The following FAM168B variants were observed in gnomAD, a reference collection of about 807,000 sequenced individuals.
FAM168B encodes family with sequence similarity 168 member B, also known as myelin-associated neurite-outgrowth inhibitor.
A neutral mutation model predicts 21.8 loss-of-function variants in FAM168B; 19 were observed. That is an observed-to-expected ratio of 0.87 (90% confidence interval 0.61 to 1.28). The LOEUF (loss-of-function observed/expected upper bound fraction) is 1.28. Among genes scored for constraint, FAM168B ranks in the 50% most tolerant of loss-of-function variants. FAM168B has a pLI of 0.00. For missense variants in FAM168B, 233 were observed against 263.1 expected (o/e 0.89, Z 0.79); for synonymous variants, 126 against 104.8 (o/e 1.20, Z -1.24).
chr2:131,050,007 A>G lies in FAM168B; in HGVS notation c.*2458T>C. ...CGTCCTAAAAATTTCAAAGTCAGAA[A>G]GATTTCTGCACGGATGTGCAATGCA... On this transcript the variant is annotated 3_prime_UTR_variant, in exon 7 of 7. Coordinates refer to ENST00000389915, the MANE Select transcript of FAM168B (RefSeq NM_001009993.4). 6.1e-6 allele frequency: 6 copies of G among 985,488 alleles called. No homozygotes were observed. The highest frequency in any genetic ancestry group is 7.2e-6 in the Non-Finnish European group (6 of 829,940). 61.0% of individuals were successfully genotyped at this position (985,488 alleles called of 1,614,324 possible).
intron 3 of FAM168B, among the ~76,000 whole-genome samples, chr2:131,060,198 G>A (rs148936822): frequency 0.014 from 2,186 of 152,238 alleles, 55 homozygotes; most frequent in African/African-American, 0.049. Context: ...GCTAATTTTT[G>A]TATTTTTAGT....
chr2:131,065,121 A>G (rs1304156270), intron 3 of FAM168B, among the ~76,000 whole-genome samples: 1 of 152,232 alleles, frequency 6.6e-6, no homozygotes, highest in East Asian at 1.9e-4. Context: ...TCAGTAAAGC[A>G]GTGCCACTTT....
In FAM168B at chr2:131,049,712, C is replaced by T; in HGVS notation, c.*2753G>A. 1 of 985,856 alleles carries T rather than the reference C, an allele frequency of 1.0e-6. No individual in the cohort carries two copies. 61.1% of individuals were successfully genotyped at this position (985,856 alleles called of 1,614,324 possible). A position where few individuals can be genotyped will look rare whatever the true frequency, so the allele number is the denominator to read the frequency against. On this transcript the variant is annotated 3_prime_UTR_variant, in exon 7 of 7. Transcript: ENST00000389915. The stretch of plus-strand genomic sequence containing the variant: ...TAGGTCCTTTGCTTACCTGCTGTCT[C>T]AACTTCTAAAAGAATAGTAATTCAG...
rs1411551966 is a variant in FAM168B, at chr2:131,093,291, G to A, written c.-89C>T. The A allele has an allele frequency of 1.3e-5, 2 of 150,224 alleles. No homozygotes were observed. Among genetic ancestry groups the A allele is most frequent in the Admixed American group, 1.3e-4 (2 of 15,122 alleles). The allele number at this position is 150,224 out of a possible 1,614,324, so 9.3% of individuals were successfully genotyped here. A position where few individuals can be genotyped will look rare whatever the true frequency, so the allele number is the denominator to read the frequency against. On this transcript the variant is annotated 5_prime_UTR_variant, in exon 1 of 7. Coordinates refer to ENST00000389915, the MANE Select transcript of FAM168B (RefSeq NM_001009993.4). The stretch of plus-strand genomic sequence containing the variant: ...CGGGCTTGGCCGTGGGGCGAAACAA[G>A]GGGGGCGTGCCGAGGAGACCTGCTA...
chr2:131,055,498 T>G, intron 4 of FAM168B, 49 bp from the exon 5 acceptor site: 1 of 1,600,750 alleles, frequency 6.2e-7, no homozygotes, highest in African/African-American at 1.4e-5. Context: ...GGCCAAAGGA[T>G]GAACGCCCAG....
chr2:131,090,734 A>T (rs1693975728), intron 1 of FAM168B, among the ~76,000 whole-genome samples: 1 of 152,166 alleles, frequency 6.6e-6, no homozygotes, highest in Admixed American at 6.5e-5. Flanking sequence ...TAATATATAC[A>T]AATTTTTTGT....
At chr2:131,089,667 G>A (rs1359769175) in intron 1 of FAM168B, among the ~76,000 whole-genome samples, 9 of 149,596 alleles carry the variant, frequency 6.0e-5, no homozygotes, top group African/African-American at 1.5e-4. Flanking sequence ...GCAATGAGCC[G>A]AGATGGCGCC....
chr2:131,064,590 G>A (rs1178485101), intron 3 of FAM168B, among the ~76,000 whole-genome samples: 8 of 152,180 alleles, frequency 5.3e-5, no homozygotes. Context: ...AAGTGTGCGT[G>A]CAGAATAAAA....
intron 1 of FAM168B, among the ~76,000 whole-genome samples, chr2:131,090,014 A>AAAGCGAGAC (rs1167292721): frequency 2.7e-5 from 4 of 150,050 alleles, no homozygotes; most frequent in African/African-American, 7.4e-5. Context: ...CCTGGGCGAC[A>AAAGCGAGAC]TGGACGCTCC....
At chr2:131,057,770 T>C (rs1006089929) in intron 3 of FAM168B, among the ~76,000 whole-genome samples, 2 of 152,204 alleles carry the variant, frequency 1.3e-5, no homozygotes, top group Admixed American at 1.3e-4. Flanking sequence ...ATAATTAAAG[T>C]TAATTTTTAA....
intron 3 of FAM168B, among the ~76,000 whole-genome samples, chr2:131,062,115 CT>C (rs1319213504): frequency 5.3e-5 from 8 of 152,188 alleles, no homozygotes; most frequent in African/African-American, 1.9e-4. Flanking sequence ...AGTCCTTGAC[CT>C]TTTTATCACT....
At chr2:131,065,420 C>G (rs77839414) in intron 3 of FAM168B, among the ~76,000 whole-genome samples, 3 of 152,174 alleles carry the variant, frequency 2.0e-5, no homozygotes, top group African/African-American at 4.8e-5. Flanking sequence ...TTCTCTCCCC[C>G]TCGGCTGCCA....
At chr2:131,084,127 C>T (rs184496873) in intron 1 of FAM168B, among the ~76,000 whole-genome samples, 17 of 151,922 alleles carry the variant, frequency 1.1e-4, no homozygotes, top group African/African-American at 3.9e-4. Flanking sequence ...GGTCTCATCT[C>T]TTGACCTCGT....
chr2:131,086,680 G>GGTCAC (rs901543350), intron 1 of FAM168B, among the ~76,000 whole-genome samples: 1 of 152,172 alleles, frequency 6.6e-6, no homozygotes, highest in African/African-American at 2.4e-5. Context: ...GTCCTATGTA[G>GGTCAC]GTGACAGCCA....
intron 2 of FAM168B, among the ~76,000 whole-genome samples, chr2:131,081,067 C>T (rs769240464): frequency 2.6e-5 from 4 of 152,160 alleles, no homozygotes; most frequent in Non-Finnish European, 4.4e-5. Context: ...CCTTATGTTG[C>T]ATTCTGGTTC....
At chr2:131,076,838 CA>C (rs1165744525) in intron 2 of FAM168B, among the ~76,000 whole-genome samples, 1 of 151,962 alleles carries the variant, frequency 6.6e-6, no homozygotes, top group Non-Finnish European at 1.5e-5. Flanking sequence ...GCCCCACCCC[CA>C]CCACTCAAAT....
At chr2:131,068,713 T>C (rs1200771032) in intron 3 of FAM168B, among the ~76,000 whole-genome samples, 4 of 152,042 alleles carry the variant, frequency 2.6e-5, no homozygotes. Context: ...AAAGGAGAGA[T>C]GTTCGAGAAG....
intron 3 of FAM168B, among the ~76,000 whole-genome samples, chr2:131,061,021 T>A (rs76705138): frequency 6.6e-6 from 1 of 150,904 alleles, no homozygotes; most frequent in African/African-American, 2.4e-5. Flanking sequence ...CTGGCTAATT[T>A]TTTTTTTTTT....
At chr2:131,073,177 C>G (rs1173290808) in intron 2 of FAM168B, among the ~76,000 whole-genome samples, 2 of 151,520 alleles carry the variant, frequency 1.3e-5, no homozygotes, top group African/African-American at 2.4e-5. Flanking sequence ...ACTGCAACCT[C>G]CGCCTCCTGG....
Sources: gnomAD v4.1 joint callset for allele counts (sites outside exome capture counted in the v4.1 genomes callset) on GRCh38, gnomAD v4.1.1 for gene constraint, MANE v1.5 for transcripts, NCBI Gene and HGNC (gene_info 2026-07-23, HGNC 2026-07-21) for gene names.